Variants in PPM1L observed in about 807,000 individuals in gnomAD.
PPM1L encodes protein phosphatase, Mg2+/Mn2+ dependent 1L.
In PPM1L, 13 loss-of-function variants were observed where a neutral mutation model predicts 31.4. The ratio of observed to expected loss-of-function variants is 0.41; its 90% CI spans 0.27 to 0.66. The LOEUF (loss-of-function observed/expected upper bound fraction) is 0.66. PPM1L is among the 30% of genes least tolerant of loss of function. The pLI is 0.29. For missense variants in PPM1L, 326 were observed against 453.7 expected (o/e 0.72, Z 2.56); for synonymous variants, 184 against 175.4 (o/e 1.05, Z -0.39).
chr3:160,871,996 G>A (rs945983534), intron 1 of PPM1L, among the ~76,000 whole-genome samples: 1 of 151,896 alleles, frequency 6.6e-6, no homozygotes, highest in Non-Finnish European at 1.5e-5. Flanking sequence ...GCTGTGTTAT[G>A]TGCAACACAG....
intron 1 of PPM1L, among the ~76,000 whole-genome samples, chr3:160,863,276 T>A (rs1305366667): frequency 6.6e-6 from 1 of 152,182 alleles, no homozygotes; most frequent in Non-Finnish European, 1.5e-5. Context: ...TCATAGCAAA[T>A]GAGAGGCCCT....
intron 1 of PPM1L, among the ~76,000 whole-genome samples, chr3:160,859,701 T>A (rs1268860784): frequency 6.6e-6 from 1 of 152,204 alleles, no homozygotes; most frequent in East Asian, 1.9e-4. Flanking sequence ...TTCTGAATTG[T>A]GTACACAAAT....
At chr3:161,005,568 C>T (rs988329707) in intron 2 of PPM1L, among the ~76,000 whole-genome samples, 5 of 152,036 alleles carry the variant, frequency 3.3e-5, no homozygotes, top group Non-Finnish European at 7.4e-5. Context: ...GCCTTGCCTG[C>T]GTTTAAATTC....
At chr3:160,785,300 A>G (rs1711871197) in intron 1 of PPM1L, among the ~76,000 whole-genome samples, 1 of 152,094 alleles carries the variant, frequency 6.6e-6, no homozygotes, top group Admixed American at 6.5e-5. Flanking sequence ...AGAAATAATA[A>G]ATTATTTTAT....
chr3:160,960,995 C>G (rs1170040287), intron 1 of PPM1L, among the ~76,000 whole-genome samples: 1 of 152,104 alleles, frequency 6.6e-6, no homozygotes, highest in East Asian at 1.9e-4. Flanking sequence ...TTAGTTGTTA[C>G]TAATTGGAAT....
intron 1 of PPM1L, among the ~76,000 whole-genome samples, chr3:160,816,645 G>A (rs1301194366): frequency 6.6e-6 from 1 of 151,978 alleles, no homozygotes; most frequent in Non-Finnish European, 1.5e-5. Flanking sequence ...CCAAGGCCCT[G>A]TGTAGCTTCT....
chr3:160,929,908 A>C (rs1048183880), intron 1 of PPM1L, among the ~76,000 whole-genome samples: 31 of 152,236 alleles, frequency 2.0e-4, no homozygotes, highest in South Asian at 4.2e-4. Context: ...CAGCTTTTCC[A>C]GGCAGGAGTC....
At chr3:161,016,646 A>C (rs1234408273) in intron 2 of PPM1L, among the ~76,000 whole-genome samples, 2 of 152,232 alleles carry the variant, frequency 1.3e-5, no homozygotes, top group Non-Finnish European at 2.9e-5. Context: ...TGTTCCTATT[A>C]GAGGGCGAGG....
chr3:160,883,725 G>A (rs1049545000), intron 1 of PPM1L, among the ~76,000 whole-genome samples: 5 of 151,850 alleles, frequency 3.3e-5, no homozygotes, highest in Non-Finnish European at 5.9e-5. Flanking sequence ...TTGGGGGCCT[G>A]GGCTTTGGGG....
intron 1 of PPM1L, among the ~76,000 whole-genome samples, chr3:160,786,561 T>C (rs145039751): frequency 1.2e-3 from 174 of 151,048 alleles, no homozygotes; most frequent in African/African-American, 4.1e-3. Flanking sequence ...CATCTTCTTA[T>C]GGAATAAAAG....
At chr3:161,042,523 G>A (rs138936345) in intron 2 of PPM1L, among the ~76,000 whole-genome samples, 1,937 of 152,276 alleles carry the variant, frequency 0.013, 49 homozygotes, top group African/African-American at 0.044. Flanking sequence ...AACCACCTGC[G>A]AAGGTGCCCT....
intron 1 of PPM1L, among the ~76,000 whole-genome samples, chr3:160,840,242 A>G (rs1713831065): frequency 1.3e-5 from 2 of 152,170 alleles, no homozygotes; most frequent in South Asian, 4.1e-4. Context: ...ATACAATGAA[A>G]TTGAGATATT....
At chr3:161,029,776 C>T (rs74780840) in intron 2 of PPM1L, among the ~76,000 whole-genome samples, 2,103 of 152,254 alleles carry the variant, frequency 0.014, 47 homozygotes, top group African/African-American at 0.048. Context: ...TTTCTCCTTT[C>T]CTTGCTATTC....
chr3:160,978,994 A>G (rs1219145015), intron 2 of PPM1L, among the ~76,000 whole-genome samples: 3 of 152,066 alleles, frequency 2.0e-5, no homozygotes, highest in Admixed American at 1.3e-4. Context: ...TTGAACATGT[A>G]GAATATCGAG....
At chr3:160,995,201 T>C (rs780358368) in intron 2 of PPM1L, among the ~76,000 whole-genome samples, 16 of 152,160 alleles carry the variant, frequency 1.1e-4, no homozygotes, top group Non-Finnish European at 1.9e-4. Flanking sequence ...AATTATGGAA[T>C]GTGAGGAAGT....
At chr3:160,769,822 G>A (rs1036601418) in intron 1 of PPM1L, among the ~76,000 whole-genome samples, 4 of 151,908 alleles carry the variant, frequency 2.6e-5, no homozygotes, top group Non-Finnish European at 2.9e-5. Flanking sequence ...TAAAATATTC[G>A]AATCTACTCC....
At chr3:160,993,598 C>T (rs75785627) in intron 2 of PPM1L, among the ~76,000 whole-genome samples, 1 of 152,048 alleles carries the variant, frequency 6.6e-6, no homozygotes, top group Non-Finnish European at 1.5e-5. Flanking sequence ...CTTTATAGAA[C>T]TAGTTCATGG....
intron 1 of PPM1L, among the ~76,000 whole-genome samples, chr3:160,960,407 C>T (rs1017911873): frequency 2.0e-5 from 3 of 152,022 alleles, no homozygotes; most frequent in Non-Finnish European, 4.4e-5. Flanking sequence ...TAATATACGA[C>T]ACCTTACTGA....
chr3:161,025,789 A>T (rs1718368872), intron 2 of PPM1L, among the ~76,000 whole-genome samples: 1 of 152,120 alleles, frequency 6.6e-6, no homozygotes, highest in African/African-American at 2.4e-5. Context: ...ATAAACTAAG[A>T]CGATAGGTTA....
Sources: gnomAD v4.1 joint callset for allele counts (sites outside exome capture counted in the v4.1 genomes callset) on GRCh38, gnomAD v4.1.1 for gene constraint, MANE v1.5 for transcripts, NCBI Gene and HGNC (gene_info 2026-07-23, HGNC 2026-07-21) for gene names.